The following CAMK4 variants were observed in gnomAD, a reference collection of about 807,000 sequenced individuals.
CAMK4 encodes the protein calcium/calmodulin dependent protein kinase IV.
A neutral mutation model predicts 44.9 loss-of-function variants in CAMK4; 22 were observed. That is an observed-to-expected ratio of 0.49 (90% CI 0.35 to 0.70). The LOEUF is 0.70. Ranked by LOEUF, CAMK4 falls within the 30% of genes least tolerant of loss-of-function variation. The pLI is 0.01. For synonymous variants in CAMK4, 218 were observed against 215.4 expected (o/e 1.01, Z -0.11); for missense variants, 498 against 586.8 (o/e 0.85, Z 1.56).
At chr5:111,477,819 G>C (rs1365070479) in intron 8 of CAMK4, among the ~76,000 whole-genome samples, 1 of 151,982 alleles carries the variant, frequency 6.6e-6, no homozygotes, top group Non-Finnish European at 1.5e-5. Flanking sequence ...AATCCAAACT[G>C]GAATGGAATG....
chr5:111,406,311 C>G (rs1752427569), intron 5 of CAMK4, among the ~76,000 whole-genome samples: 1 of 151,884 alleles, frequency 6.6e-6, no homozygotes, highest in Admixed American at 6.6e-5. Context: ...CAACTTCCGC[C>G]TCCCTGGGTT....
chr5:111,263,988 G>C (rs1045449250), intron 1 of CAMK4, among the ~76,000 whole-genome samples: 10 of 152,122 alleles, frequency 6.6e-5, no homozygotes, highest in Admixed American at 5.2e-4. Context: ...GAGTTCCCAG[G>C]AACATTGTCC....
chr5:111,423,793 A>G (rs542467501), intron 5 of CAMK4, among the ~76,000 whole-genome samples: 32 of 152,302 alleles, frequency 2.1e-4, no homozygotes, highest in African/African-American at 7.7e-4. Flanking sequence ...TCAAGACCTA[A>G]CAATAACAAT....
chr5:111,471,220 T>C (rs1286837745), intron 7 of CAMK4, among the ~76,000 whole-genome samples: 2 of 145,582 alleles, frequency 1.4e-5, no homozygotes, highest in African/African-American at 5.7e-5. Flanking sequence ...GTGAAAACTT[T>C]GCTCAACTTT....
intron 1 of CAMK4, among the ~76,000 whole-genome samples, chr5:111,227,425 C>G (rs887561824): frequency 1.3e-5 from 2 of 152,180 alleles, no homozygotes; most frequent in African/African-American, 4.8e-5. Context: ...TCTGGTGTTA[C>G]GTGTTGCTGT....
intron 5 of CAMK4, among the ~76,000 whole-genome samples, chr5:111,429,512 A>G (rs1388861860): frequency 6.6e-6 from 1 of 152,042 alleles, no homozygotes; most frequent in Non-Finnish European, 1.5e-5. Flanking sequence ...CACACTTGTA[A>G]TCCCAGTACT....
chr5:111,350,082 C>T (rs1049090392), intron 2 of CAMK4, among the ~76,000 whole-genome samples: 2 of 152,010 alleles, frequency 1.3e-5, no homozygotes, highest in African/African-American at 4.8e-5. Flanking sequence ...TTTAGGATTA[C>T]TTCTGCTACT....
rs1755831777 is a variant in CAMK4, at chr5:111,491,469, C to T, written c.*7003C>T. The T allele has an allele frequency of 6.6e-6, 1 of 151,668 alleles. No homozygotes were observed. The highest frequency in any genetic ancestry group is 1.5e-5 in the Non-Finnish European group (1 of 67,968). 9.4% of individuals were successfully genotyped at this position (151,668 alleles called of 1,614,324 possible). A position where few individuals can be genotyped will look rare whatever the true frequency, so the allele number is the denominator to read the frequency against. ...TCTCCTTAGCTTAAGGTTCGTATTC[C>T]CATTTGCTTCTGAGAAAGTTAGGAA... On this transcript the variant is annotated 3_prime_UTR_variant, in exon 11 of 11. Coordinates refer to ENST00000282356, the MANE Select transcript of CAMK4 (RefSeq NM_001744.6).
At chr5:111,449,436 G>A (rs962189728) in intron 7 of CAMK4, among the ~76,000 whole-genome samples, 1 of 152,174 alleles carries the variant, frequency 6.6e-6, no homozygotes, top group African/African-American at 2.4e-5. Flanking sequence ...TTGAGCCAGT[G>A]GCTACTCTTA....
chr5:111,321,846 A>T (rs1748676187), intron 1 of CAMK4, among the ~76,000 whole-genome samples: 1 of 152,200 alleles, frequency 6.6e-6, no homozygotes, highest in African/African-American at 2.4e-5. Flanking sequence ...TTCTGCCCTT[A>T]AATAGATTTA....
chr5:111,459,056 A>C (rs1283559734), intron 7 of CAMK4, among the ~76,000 whole-genome samples: 1 of 152,220 alleles, frequency 6.6e-6, no homozygotes, highest in African/African-American at 2.4e-5. Flanking sequence ...TATGGTCCAC[A>C]TGTCAACTTG....
At chr5:111,480,882 C>G (rs1755412854) in intron 9 of CAMK4, among the ~76,000 whole-genome samples, 1 of 152,146 alleles carries the variant, frequency 6.6e-6, no homozygotes, top group South Asian at 2.1e-4. Flanking sequence ...CTTCATTCAG[C>G]TAGATCCCTT....
At chr5:111,424,669 G>C (rs756761144) in intron 5 of CAMK4, among the ~76,000 whole-genome samples, 2 of 151,512 alleles carry the variant, frequency 1.3e-5, no homozygotes, top group East Asian at 2.0e-4. Context: ...GGATGGTCTC[G>C]ATCTCCTGAC....
At chr5:111,483,430 A>G (rs1755500598) in intron 10 of CAMK4, among the ~76,000 whole-genome samples, 5 of 152,218 alleles carry the variant, frequency 3.3e-5, no homozygotes, top group Admixed American at 3.3e-4. Context: ...AATAGAGATT[A>G]GGAGCTTTTC....
Position 111,385,787 on chromosome 5 carries a change from G to A in CAMK4, c.386+8845G>A, listed in dbSNP as rs143586930. 4.8e-4 allele frequency among the ~76,000 whole-genome samples: 73 copies of A among 152,218 alleles called. No homozygotes were observed. In the East Asian group the frequency reaches 0.013, roughly 26 times the overall value. ...AGATGGGGTTTCACTGTGTTAGCCA[G>A]GATACTCTCGATCTCCTGACCTCAT... On this transcript the variant is annotated intron_variant, in intron 4 of 10. Coordinates refer to ENST00000282356, the MANE Select transcript of CAMK4 (RefSeq NM_001744.6).
intron 1 of CAMK4, among the ~76,000 whole-genome samples, chr5:111,270,502 T>C (rs890333203): frequency 6.6e-6 from 1 of 152,322 alleles, no homozygotes; most frequent in Non-Finnish European, 1.5e-5. Context: ...AACACTGACA[T>C]CCCAACCTTG....
At chr5:111,439,899 G>C (rs1268185457) in intron 5 of CAMK4, among the ~76,000 whole-genome samples, 1 of 152,198 alleles carries the variant, frequency 6.6e-6, no homozygotes, top group Non-Finnish European at 1.5e-5. Flanking sequence ...AATGTAGTCA[G>C]ATGTCTTTGG....
chr5:111,438,456 C>G (rs1753720190), intron 5 of CAMK4, among the ~76,000 whole-genome samples: 1 of 151,990 alleles, frequency 6.6e-6, no homozygotes, highest in African/African-American at 2.4e-5. Context: ...ATGTGGTATT[C>G]AGGATTAACA....
At chr5:111,373,271 A>G (rs749485408) in intron 2 of CAMK4, among the ~76,000 whole-genome samples, 6 of 152,160 alleles carry the variant, frequency 3.9e-5, no homozygotes, top group Middle Eastern at 6.8e-3. Flanking sequence ...AACTCTGGAG[A>G]AATCTCTCAT....
Sources: gnomAD v4.1 joint callset for allele counts (sites outside exome capture counted in the v4.1 genomes callset) on GRCh38, gnomAD v4.1.1 for gene constraint, MANE v1.5 for transcripts, NCBI Gene and HGNC (gene_info 2026-07-23, HGNC 2026-07-21) for gene names.